RNF115: variants seen among roughly 807,000 people sequenced by gnomAD.
The protein encoded by RNF115 is E3 ubiquitin-protein ligase RNF115.
In RNF115, 31 loss-of-function variants were observed where a neutral mutation model predicts 39.2. The observed-to-expected ratio is 0.79, with a 90% CI of 0.59 to 1.07. The LOEUF (loss-of-function observed/expected upper bound fraction) is 1.07. Ranked by LOEUF, RNF115 falls within the 50% of genes least tolerant of loss-of-function variation. RNF115 has a pLI of 0.00. For missense variants in RNF115, 384 were observed against 381.7 expected, an observed-to-expected ratio of 1.01 and a Z score of -0.05; for synonymous variants, 124 against 131.0, an observed-to-expected ratio of 0.95 and a Z score of 0.37.
Position 145,807,876 on chromosome 1 carries a change from C to G in RNF115, c.102+15896G>C, listed in dbSNP as rs1187213514. Among the ~76,000 whole-genome samples, 11 of 152,260 alleles carry G rather than the reference C, an allele frequency of 7.2e-5. No homozygotes were observed. The South Asian group carries it at 1.7e-3, about 23-fold the overall frequency. On this transcript the variant is annotated intron_variant, in intron 1 of 8. Coordinates refer to ENST00000582693, the MANE Select transcript of RNF115 (RefSeq NM_014455.4). Reference sequence around the variant, plus strand: ...ACACACCCTTCCCAGCCTCAGATATCATTCCATTCTCTACCTGCATGAAAT... The same window carrying G: ...ACACACCCTTCCCAGCCTCAGATATGATTCCATTCTCTACCTGCATGAAAT...
Position 145,785,876 on chromosome 1 carries a change from A to G in RNF115, c.162-1280T>C, listed in dbSNP as rs958533206. ...CTTTTGTAAAAATCACTCCAAATGTATAACAAGCCCAAAAGTACTTGTACA... is the reference window on the plus strand; with the variant it reads ...CTTTTGTAAAAATCACTCCAAATGTGTAACAAGCCCAAAAGTACTTGTACA... On this transcript the variant is annotated intron_variant, in intron 2 of 8. Coordinates refer to ENST00000582693, the MANE Select transcript of RNF115 (RefSeq NM_014455.4). Among the ~76,000 whole-genome samples, 9 of 152,352 alleles carry G rather than the reference A, an allele frequency of 5.9e-5. 1 individual carries two copies. The South Asian group carries it at 1.0e-3, about 18-fold the overall frequency.
intron 1 of RNF115, among the ~76,000 whole-genome samples, chr1:145,789,801 C>G (rs1312495991): frequency 6.7e-6 from 1 of 149,694 alleles, no homozygotes; most frequent in Non-Finnish European, 1.5e-5. Flanking sequence ...CCTCCACCTC[C>G]TGGGTTTAAG....
intron 1 of RNF115, among the ~76,000 whole-genome samples, chr1:145,795,889 C>G (rs1648956803): frequency 6.6e-6 from 1 of 152,144 alleles, no homozygotes; most frequent in Admixed American, 6.5e-5. Context: ...AACCACACAG[C>G]CCTGGACTAT....
intron 1 of RNF115, among the ~76,000 whole-genome samples, chr1:145,798,229 A>G (rs1649072736): frequency 1.3e-5 from 2 of 152,202 alleles, no homozygotes; most frequent in Middle Eastern, 3.2e-3. Flanking sequence ...ATCCAAAGTT[A>G]TAAAGCCTTT....
intron 3 of RNF115, chr1:145,773,004 T>C (rs1219947527): frequency 6.6e-6 from 1 of 152,232 alleles, no homozygotes; most frequent in Non-Finnish European, 1.5e-5. Context: ...TAGTGAATTT[T>C]CATTTCAATT....
rs1261603727 is a variant in RNF115 at position 145,781,740 on chromosome 1, A to T, written c.219+2799T>A. ...CCAGATTACACAGCCAATAAGTGGC[A>T]GACACAGGATTTGAGCTCAGGCAAT... On this transcript the variant is annotated intron_variant, in intron 3 of 8. Transcript: ENST00000582693. Among the ~76,000 whole-genome samples, 3 of 152,170 alleles carry T rather than the reference A, an allele frequency of 2.0e-5. No individual in the cohort carries two copies. The East Asian group carries it at 5.8e-4, about 29-fold the overall frequency.
In RNF115 at chr1:145,746,990, G is replaced by C. The variant is rs781903107; in HGVS notation, c.791C>G (p.Thr264Arg). The C allele has an allele frequency of 6.8e-6, 11 of 1,611,122 alleles. No homozygotes were observed. The South Asian group carries it at 9.9e-5, about 15-fold the overall frequency. ...CIVPWLELHD[T>R]CPVCRKSLNG... The stretch of plus-strand genomic sequence containing the variant: ...TAAGCTCTTCCTACATACAGGACAT[G>C]TGTCATGCTGAAACAGAAAAATATT... Residue 264 changes from threonine (T) to arginine (R), a missense_variant, in exon 9 of 9, where the codon ACA becomes AGA. By Grantham distance (71) the Thr-to-Arg change is moderately conservative. Coordinates refer to ENST00000582693, the MANE Select transcript of RNF115 (RefSeq NM_014455.4).
At chr1:145,805,886 T>C (rs1649438016) in intron 1 of RNF115, among the ~76,000 whole-genome samples, 1 of 152,070 alleles carries the variant, frequency 6.6e-6, no homozygotes, top group South Asian at 2.1e-4. Context: ...ACAATTTATA[T>C]ATAATTAATT....
At chr1:145,815,336 C>T (rs139255708) in intron 1 of RNF115, among the ~76,000 whole-genome samples, 219 of 152,390 alleles carry the variant, frequency 1.4e-3, no homozygotes, top group African/African-American at 5.1e-3. Flanking sequence ...CAGTTCTTAA[C>T]CTGATCTCTT....
intron 1 of RNF115, among the ~76,000 whole-genome samples, chr1:145,811,010 C>T (rs1337607879): frequency 2.7e-5 from 4 of 146,716 alleles, no homozygotes; most frequent in Non-Finnish European, 6.0e-5. Context: ...GGACTTCAGG[C>T]ACGTGCCACC....
chr1:145,748,715 T>C (rs1657967822), intron 7 of RNF115, among the ~76,000 whole-genome samples: 1 of 151,900 alleles, frequency 6.6e-6, no homozygotes, highest in South Asian at 2.1e-4. Flanking sequence ...AAAAACCCTG[T>C]CTCTACTAAA....
intron 3 of RNF115, among the ~76,000 whole-genome samples, chr1:145,774,474 C>T (rs1337967750): frequency 6.6e-6 from 1 of 152,064 alleles, no homozygotes; most frequent in Non-Finnish European, 1.5e-5. Context: ...CTCAGCCTCC[C>T]GAGAAGCTGG....
At position 145,776,092 on chromosome 1, in the gene RNF115, G is replaced by GGC. The variant is rs1160768976; in HGVS notation, c.220-4174_220-4173insGC. On this transcript the variant is annotated intron_variant, in intron 3 of 8. Transcript: ENST00000582693. ...AGGCCATGGTTGACCACAGGGTAAG[G>GGC]GGGGGGCTACTGTACCAATTCAGAC... Among the ~76,000 whole-genome samples the GGC allele has an allele frequency of 6.2e-4, 94 of 150,912 alleles. 1 individual carries two copies. Among genetic ancestry groups the GGC allele is most frequent in the South Asian group, 1.5e-3 (7 of 4,642 alleles).
chr1:145,822,766 T>C (rs112394305), intron 1 of RNF115, among the ~76,000 whole-genome samples: 243 of 138,858 alleles, frequency 1.7e-3, no homozygotes, highest in Non-Finnish European at 3.2e-3. Flanking sequence ...ATAAATGTTG[T>C]TTGTTTTTGT....
intron 1 of RNF115, among the ~76,000 whole-genome samples, chr1:145,808,338 C>T (rs927197080): frequency 6.6e-6 from 1 of 152,086 alleles, no homozygotes; most frequent in African/African-American, 2.4e-5. Context: ...CTTCCACATT[C>T]TGGTCAGCAT....
chr1:145,765,432 TAAA>T (rs587612036), intron 4 of RNF115, among the ~76,000 whole-genome samples: 1 of 150,258 alleles, frequency 6.7e-6, no homozygotes, highest in Non-Finnish European at 1.5e-5. Context: ...AAAAAAAAAT[TAAA>T]AAAAAATTAT....
chr1:145,785,255 C>T (rs1648326939), intron 2 of RNF115, among the ~76,000 whole-genome samples: 2 of 152,088 alleles, frequency 1.3e-5, no homozygotes, highest in Non-Finnish European at 2.9e-5. Flanking sequence ...CAACCCATTT[C>T]CCTCCTTCAT....
intron 4 of RNF115, among the ~76,000 whole-genome samples, chr1:145,768,942 AAAGAG>A (rs1470622988): frequency 3.3e-5 from 5 of 152,222 alleles, no homozygotes; most frequent in African/African-American, 4.8e-5. Context: ...CTATGAAAGA[AAAGAG>A]AAAAGAAACT....
chr1:145,808,120 C>T (rs1553721884), intron 1 of RNF115, among the ~76,000 whole-genome samples: 2 of 152,132 alleles, frequency 1.3e-5, no homozygotes, highest in Non-Finnish European at 2.9e-5. Flanking sequence ...CTGATTCCGT[C>T]TTTGCTGCTG....
Sources: allele counts gnomAD v4.1 joint callset (sites outside exome capture counted in the v4.1 genomes callset), GRCh38; gene constraint gnomAD v4.1.1; transcripts MANE v1.5; gene names NCBI Gene and HGNC (gene_info 2026-07-23, HGNC 2026-07-21).